Variants in PLEKHH2 observed in about 807,000 individuals in gnomAD.
The protein encoded by PLEKHH2 is pleckstrin homology domain-containing family H member 2.
In PLEKHH2, 129 loss-of-function variants were observed where a neutral mutation model predicts 187.9. The ratio of observed to expected loss-of-function variants is 0.69; its 90% confidence interval spans 0.59 to 0.79. The LOEUF (loss-of-function observed/expected upper bound fraction) is 0.79, where lower values mean the gene tolerates loss of function less well. Ranked by LOEUF, PLEKHH2 falls within the 30% of genes least tolerant of loss-of-function variation. The probability of loss-of-function intolerance (pLI) is 0.00; values close to 1 mark genes in which losing one functional copy is unlikely to be tolerated. For missense variants in PLEKHH2, 2,076 were observed against 1,751.2 expected (o/e 1.19, Z -3.31); for synonymous variants, 686 against 605.6 (o/e 1.13, Z -1.95).
intron 2 of PLEKHH2, among the ~76,000 whole-genome samples, chr2:43,660,459 A>G (rs1667010427): frequency 1.4e-5 from 2 of 141,642 alleles, no homozygotes; most frequent in South Asian, 4.3e-4. Context: ...TTTTTTGCCA[A>G]TTAAGGAATT....
At chr2:43,733,881 C>T (rs1336517052) in intron 19 of PLEKHH2, among the ~76,000 whole-genome samples, 1 of 151,936 alleles carries the variant, frequency 6.6e-6, no homozygotes, top group African/African-American at 2.4e-5. Context: ...ACACCAATAC[C>T]TAAAGCAAGA....
chr2:43,741,023 A>G lies in PLEKHH2; in HGVS notation c.3201A>G (p.Leu1067=). The change falls in exon 21 of 30, where the codon CTA becomes CTG. Residue 1067 remains leucine (L), a synonymous_variant. Coordinates refer to ENST00000282406, the MANE Select transcript of PLEKHH2 (RefSeq NM_172069.4). ...HPFLWLLRLH[L]KRNADSRTEF... ...TCCTGTGGCTCCTCAGGCTTCACCT[A>G]AAGAGGAATGCAGATTCCAGGTGTG... 2 of 1,613,454 alleles carry G rather than the reference A, an allele frequency of 1.2e-6. No homozygotes were observed. The highest frequency in any genetic ancestry group is 1.1e-5 in the South Asian group (1 of 91,036).
At chr2:43,649,844 G>A (rs1484255226) in intron 2 of PLEKHH2, among the ~76,000 whole-genome samples, 2 of 152,152 alleles carry the variant, frequency 1.3e-5, no homozygotes, top group Non-Finnish European at 2.9e-5. Context: ...CCACATCAGT[G>A]GGTGTGAAGG....
Position 43,681,603 on chromosome 2 carries a change from G to A in PLEKHH2, c.186+2678G>A, listed in dbSNP as rs1396475056. ...CTCATGACTAGTGCCTCTTTTTGGAGCTGTACACGATATGACACAATATGC... is the reference window on the plus strand; with the variant it reads ...CTCATGACTAGTGCCTCTTTTTGGAACTGTACACGATATGACACAATATGC... On this transcript the variant is annotated intron_variant, in intron 3 of 29. Coordinates refer to ENST00000282406, the MANE Select transcript of PLEKHH2 (RefSeq NM_172069.4). 7.9e-6 allele frequency: 6 copies of A among 763,010 alleles called. No individual in the cohort carries two copies. The African/African-American group carries it at 1.0e-4, about 13-fold the overall frequency. The allele number at this position is 763,010 out of a possible 1,614,324, so 47.3% of individuals were successfully genotyped here.
At chr2:43,681,647 T>C (rs897580776) in intron 3 of PLEKHH2, 2 of 641,988 alleles carry the variant, frequency 3.1e-6, no homozygotes, top group Non-Finnish European at 2.8e-6. Flanking sequence ...TCTCCTACCA[T>C]AGTGACCAGA....
At chr2:43,752,693 C>T (rs907048371) in intron 24 of PLEKHH2, among the ~76,000 whole-genome samples, 1 of 152,282 alleles carries the variant, frequency 6.6e-6, no homozygotes, top group East Asian at 1.9e-4. Flanking sequence ...TCACCCACCC[C>T]ATTGTCACAG....
At chr2:43,762,699 A>C (rs770744672) in intron 28 of PLEKHH2, among the ~76,000 whole-genome samples, 2 of 152,208 alleles carry the variant, frequency 1.3e-5, no homozygotes, top group African/African-American at 2.4e-5. Context: ...CCTGTGTAAA[A>C]TAAAAATCTG....
At chr2:43,673,958 G>A (rs1054848885) in intron 2 of PLEKHH2, among the ~76,000 whole-genome samples, 1 of 152,170 alleles carries the variant, frequency 6.6e-6, no homozygotes, top group African/African-American at 2.4e-5. Flanking sequence ...GATAGTACAA[G>A]ATAGGAAGTC....
intron 15 of PLEKHH2, among the ~76,000 whole-genome samples, chr2:43,715,485 C>G (rs1670172080): frequency 6.6e-6 from 1 of 152,048 alleles, no homozygotes; most frequent in African/African-American, 2.4e-5. Context: ...ACAGATTACT[C>G]TGCTAAGAGG....
chr2:43,709,612 C>T lies in PLEKHH2; in HGVS notation c.1967-378C>T, dbSNP rs138237568. 8.5e-3 allele frequency among the ~76,000 whole-genome samples: 1,288 copies of T among 152,184 alleles called. 73 individuals are homozygous for T. The East Asian group carries it at 0.14, about 16-fold the overall frequency. ...CTTCATGTTGGGAGGCCAAGGCAGG[C>T]GGATCACGAGGTCAAGAGATCGAGA... On this transcript the variant is annotated intron_variant, in intron 11 of 29. Coordinates refer to ENST00000282406, the MANE Select transcript of PLEKHH2 (RefSeq NM_172069.4).
At chr2:43,680,001 C>T (rs1213158069) in intron 3 of PLEKHH2, among the ~76,000 whole-genome samples, 2 of 104,610 alleles carry the variant, frequency 1.9e-5, no homozygotes, top group Non-Finnish European at 4.0e-5. Context: ...TTTCATAAGT[C>T]ACATAACCCT....
At position 43,700,161 on chromosome 2, in the gene PLEKHH2, G is replaced by A. The variant is rs143016706; in HGVS notation, c.1203G>A (p.Ser401=). ...AGAGACTCGATTATTCATCTTCATC[G>A]AGTGAAGCCAACACCCCAAGCCCTA... The part of the protein sequence containing the change: ...QSQRLDYSSS[S]SEANTPSPIL... The change falls in exon 8 of 30, where the codon TCG becomes TCA. Residue 401 remains serine (S), a synonymous_variant. Transcript: ENST00000282406. 47 of 1,613,888 alleles carry A rather than the reference G, an allele frequency of 2.9e-5. No individual in the cohort carries two copies. Among genetic ancestry groups the A allele is most frequent in the Non-Finnish European group, 5.9e-6 (7 of 1,180,008 alleles).
intron 19 of PLEKHH2, 131 bp from the exon 20 acceptor site, chr2:43,738,210 A>G (rs1671388600): frequency 4.4e-6 from 3 of 681,374 alleles, no homozygotes; most frequent in Non-Finnish European, 6.7e-6. Context: ...TCTTTTGATT[A>G]GTGTTATCAT....
chr2:43,682,239 G>A (rs4245785), intron 3 of PLEKHH2, among the ~76,000 whole-genome samples: 62,193 of 152,024 alleles, frequency 0.41, 13,110 homozygotes, highest in East Asian at 0.71. Context: ...TCAGTATTCA[G>A]ATTTTTCCAA....
At chr2:43,710,893 G>A (rs1669932550) in intron 14 of PLEKHH2, 1 of 1,102,720 alleles carries the variant, frequency 9.1e-7, no homozygotes, top group Non-Finnish European at 1.1e-6. Flanking sequence ...TCTGGTAAAT[G>A]AATTCTCAAT....
At chr2:43,695,455 C>T (rs186105507) in intron 6 of PLEKHH2, among the ~76,000 whole-genome samples, 7 of 152,290 alleles carry the variant, frequency 4.6e-5, no homozygotes, top group Non-Finnish European at 7.4e-5. Context: ...GTGGTCACTA[C>T]GTAGATCAGA....
intron 15 of PLEKHH2, among the ~76,000 whole-genome samples, chr2:43,715,250 T>G (rs1670158142): frequency 6.6e-6 from 1 of 151,382 alleles, no homozygotes; most frequent in African/African-American, 2.4e-5. Context: ...CACTCCAGCC[T>G]GTGCGACAAA....
intron 25 of PLEKHH2, among the ~76,000 whole-genome samples, chr2:43,756,129 T>C (rs774501934): frequency 6.6e-6 from 1 of 152,188 alleles, no homozygotes. Context: ...AACACAACTG[T>C]ATATCCTGGG....
intron 2 of PLEKHH2, chr2:43,658,749 G>A (rs1666914414): frequency 6.6e-6 from 1 of 152,184 alleles, no homozygotes; most frequent in African/African-American, 2.4e-5. Context: ...AAGATGCAGT[G>A]CGTCTTATGA....
Sources: gnomAD v4.1 joint callset for allele counts (sites outside exome capture counted in the v4.1 genomes callset) on GRCh38, gnomAD v4.1.1 for gene constraint, MANE v1.5 for transcripts, NCBI Gene and HGNC (gene_info 2026-07-23, HGNC 2026-07-21) for gene names.